Variants in THADA observed in about 807,000 individuals in gnomAD.
The protein encoded by THADA is tRNA (32-2'-O)-methyltransferase regulator THADA.
Under a neutral mutation model 219.8 loss-of-function variants are expected in THADA, and 213 were observed. The ratio of observed to expected loss-of-function variants is 0.97; its 90% CI spans 0.87 to 1.09. THADA has a LOEUF of 1.09. THADA is among the 50% of genes least tolerant of loss of function. The pLI, the probability that THADA is intolerant of heterozygous loss-of-function variation, is 0.00. For synonymous variants in THADA, 1,018 were observed against 828.9 expected (o/e 1.23, Z -3.92); for missense variants, 2,956 against 2,311.3 (o/e 1.28, Z -5.72).
chr2:43,561,321 A>G (rs890387566), intron 15 of THADA, among the ~76,000 whole-genome samples: 8 of 152,232 alleles, frequency 5.3e-5, no homozygotes, highest in African/African-American at 1.7e-4. Flanking sequence ...AGAACAATAG[A>G]AACATTTTAT....
At chr2:43,500,147 C>A (rs1406635270) in intron 24 of THADA, among the ~76,000 whole-genome samples, 2 of 151,900 alleles carry the variant, frequency 1.3e-5, no homozygotes, top group Non-Finnish European at 2.9e-5. Context: ...AAGATCCCGT[C>A]TCTAAAATAA....
At chr2:43,582,302 G>C (rs541729368) in intron 7 of THADA, among the ~76,000 whole-genome samples, 1 of 152,186 alleles carries the variant, frequency 6.6e-6, no homozygotes, top group Non-Finnish European at 1.5e-5. Context: ...TTTGGGACCA[G>C]CTTGGCCAAC....
At chr2:43,421,692 CA>C (rs1419695668) in intron 28 of THADA, among the ~76,000 whole-genome samples, 1 of 151,946 alleles carries the variant, frequency 6.6e-6, no homozygotes, top group African/African-American at 2.4e-5. Flanking sequence ...ACAGGAACCA[CA>C]AAAAAAGGTA....
chr2:43,354,096 C>T (rs11904452), intron 29 of THADA, among the ~76,000 whole-genome samples: 1 of 151,920 alleles, frequency 6.6e-6, no homozygotes, highest in African/African-American at 2.4e-5. Context: ...GGATTACAGG[C>T]GGGAGTGAGC....
chr2:43,531,446 C>T (rs921207112), intron 21 of THADA, among the ~76,000 whole-genome samples: 7 of 152,132 alleles, frequency 4.6e-5, no homozygotes, highest in African/African-American at 9.7e-5. Flanking sequence ...CTAGAGGTTT[C>T]GTGCTAGAAA....
intron 21 of THADA, among the ~76,000 whole-genome samples, 158 bp downstream of exon 21, chr2:43,541,001 T>C (rs546662403): frequency 6.6e-6 from 1 of 152,340 alleles, no homozygotes; most frequent in Admixed American, 6.5e-5. Flanking sequence ...TATTATAAAG[T>C]CTAACATTCT....
At chr2:43,467,299 T>G (rs970807996) in intron 26 of THADA, among the ~76,000 whole-genome samples, 1 of 152,098 alleles carries the variant, frequency 6.6e-6, no homozygotes, top group African/African-American at 2.4e-5. Context: ...TAGTGCAAAT[T>G]TGAACACTAG....
intron 28 of THADA, among the ~76,000 whole-genome samples, chr2:43,425,967 A>G (rs896360381): frequency 2.0e-5 from 3 of 152,126 alleles, no homozygotes; most frequent in Non-Finnish European, 2.9e-5. Flanking sequence ...GCTGTTGGTG[A>G]TGTTCTATGA....
chr2:43,268,713 C>CTGCAGGAGAGG (rs1671804368), intron 36 of THADA, among the ~76,000 whole-genome samples: 1 of 152,202 alleles, frequency 6.6e-6, no homozygotes, highest in Admixed American at 6.5e-5. Flanking sequence ...CTCCTGGGCC[C>CTGCAGGAGAGG]CACCCCTGCC....
At chr2:43,405,645 T>C (rs557722894) in intron 28 of THADA, among the ~76,000 whole-genome samples, 111 of 152,354 alleles carry the variant, frequency 7.3e-4, no homozygotes, top group African/African-American at 2.6e-3. Flanking sequence ...TATTCAAATA[T>C]ATTTCTTGGA....
intron 29 of THADA, among the ~76,000 whole-genome samples, chr2:43,394,732 C>T: frequency 6.6e-6 from 1 of 152,206 alleles, no homozygotes; most frequent in East Asian, 1.9e-4. Context: ...GTGTGACACC[C>T]AAATGGACAT....
At chr2:43,415,525 G>T (rs1676835952) in intron 28 of THADA, among the ~76,000 whole-genome samples, 1 of 152,080 alleles carries the variant, frequency 6.6e-6, no homozygotes, top group Admixed American at 6.6e-5. Flanking sequence ...ACAATGTCGT[G>T]GACTGGTTAT....
chr2:43,475,756 C>G (rs1232643508), intron 26 of THADA, among the ~76,000 whole-genome samples: 1 of 152,190 alleles, frequency 6.6e-6, no homozygotes, highest in African/African-American at 2.4e-5. Context: ...AAGCTGCTTA[C>G]AGGAATGAAT....
At chr2:43,396,656 T>C (rs6544651) in intron 29 of THADA, among the ~76,000 whole-genome samples, 57,397 of 151,352 alleles carry the variant, frequency 0.38, 11,705 homozygotes, top group African/African-American at 0.5. Flanking sequence ...CAAAAATTAG[T>C]GACTGTGGGG....
intron 35 of THADA, among the ~76,000 whole-genome samples, chr2:43,286,034 T>C (rs1016298372): frequency 6.6e-6 from 1 of 152,240 alleles, no homozygotes; most frequent in African/African-American, 2.4e-5. Context: ...CTAAATCTTT[T>C]GAGCCTGTTC....
rs1198065515 is a variant in THADA, at chr2:43,571,881, T to C, written c.1909-19A>G. ...TCCTTACCTAAAAAACATCAAGCAA[T>C]AAAATGTTAATTTTCCAAGAAATAA... On this transcript the variant is annotated intron_variant, in intron 12 of 37. Coordinates refer to ENST00000405975, the MANE Select transcript of THADA (RefSeq NM_022065.5). The C allele has an allele frequency of 1.9e-6, 3 of 1,608,588 alleles. No homozygotes were observed. Among genetic ancestry groups the C allele is most frequent in the Non-Finnish European group, 2.5e-6 (3 of 1,177,270 alleles).
At chr2:43,390,967 C>T (rs528757599) in intron 29 of THADA, among the ~76,000 whole-genome samples, 1 of 152,344 alleles carries the variant, frequency 6.6e-6, no homozygotes. Context: ...GCTAACTGCA[C>T]AAGCTCAAAA....
At chr2:43,499,965 T>G (rs1688729495) in intron 24 of THADA, among the ~76,000 whole-genome samples, 1 of 151,668 alleles carries the variant, frequency 6.6e-6, no homozygotes, top group African/African-American at 2.4e-5. Context: ...AAAACACAAC[T>G]AAGAGCATTA....
At chr2:43,509,889 A>T (rs773570080) in intron 22 of THADA, among the ~76,000 whole-genome samples, 1 of 152,208 alleles carries the variant, frequency 6.6e-6, no homozygotes, top group African/African-American at 2.4e-5. Context: ...TCCTTTTAGC[A>T]TATCTTAAAA....
Sources: gnomAD v4.1 joint callset for allele counts (sites outside exome capture counted in the v4.1 genomes callset) on GRCh38, gnomAD v4.1.1 for gene constraint, MANE v1.5 for transcripts, NCBI Gene and HGNC (gene_info 2026-07-23, HGNC 2026-07-21) for gene names.